The following ZFHX3 variants were observed in gnomAD, a reference collection of about 807,000 sequenced individuals.
The protein encoded by ZFHX3 is zinc finger homeobox protein 3.
ZFHX3 carries 42 observed loss-of-function variants against 279.1 expected under a neutral mutation model. The observed-to-expected ratio is 0.15, with a 90% CI of 0.12 to 0.19. ZFHX3 has a LOEUF of 0.19. ZFHX3 is among the 10% of genes least tolerant of loss of function. ZFHX3 has a pLI of 1.00. For missense variants in ZFHX3, 4,981 were observed against 4,754.0 expected (o/e 1.05, Z -1.40); for synonymous variants, 2,293 against 1,957.8 (o/e 1.17, Z -4.52).
chr16:73,816,538 C>T (rs1045379782), intron 1 of ZFHX3, among the ~76,000 whole-genome samples: 1 of 152,130 alleles, frequency 6.6e-6, no homozygotes, highest in East Asian at 1.9e-4. Context: ...GACTTTATGG[C>T]CCACAAAGCT....
chr16:73,572,415 CA>C (rs1334385428), intron 2 of ZFHX3, among the ~76,000 whole-genome samples: 2 of 152,218 alleles, frequency 1.3e-5, no homozygotes, highest in Non-Finnish European at 2.9e-5. Flanking sequence ...GCTTTCCACA[CA>C]CTTCTCAGAC....
At chr16:73,203,367 G>C (rs2011676797) in intron 5 of ZFHX3, among the ~76,000 whole-genome samples, 1 of 152,160 alleles carries the variant, frequency 6.6e-6, no homozygotes, top group Admixed American at 6.5e-5. Context: ...CAGTCCTCTT[G>C]TACTTTACAT....
intron 5 of ZFHX3, among the ~76,000 whole-genome samples, chr16:73,168,221 T>TTCTTTC (rs1967429003): frequency 2.4e-5 from 3 of 127,242 alleles, no homozygotes; most frequent in Non-Finnish European, 5.0e-5. Flanking sequence ...TTTTCTTTCT[T>TTCTTTC]TCTTTCTTTC....
At chr16:72,962,043 G>A (rs746536001) in intron 1 of ZFHX3, among the ~76,000 whole-genome samples, 1 of 152,204 alleles carries the variant, frequency 6.6e-6, no homozygotes, top group Non-Finnish European at 1.5e-5. Context: ...CTGATTGATA[G>A]CTTGGGCCAA....
intron 1 of ZFHX3, among the ~76,000 whole-genome samples, chr16:73,722,405 A>G (rs1246243585): frequency 6.6e-6 from 1 of 152,220 alleles, no homozygotes; most frequent in Non-Finnish European, 1.5e-5. Flanking sequence ...TTTTCCTAAA[A>G]TTAACCTTGA....
chr16:73,019,380 G>GTGTGT (rs1964221129), intron 1 of ZFHX3, among the ~76,000 whole-genome samples: 1 of 150,092 alleles, frequency 6.7e-6, no homozygotes, highest in Non-Finnish European at 1.5e-5. Context: ...GTGTGCGTGT[G>GTGTGT]CGTGTCTGCA....
At position 72,794,093 on chromosome 16, in the gene ZFHX3, A is replaced by C; in HGVS notation, c.8589T>G (p.Thr2863=). The part of the protein sequence containing the change: ...ADNDSATGIA[T]ETKSSSAPNE... ...TGGGTGCAGAAGAGGATTTGGTTTC[A>C]GTTGCTATTCCCGTTGCACTGTCGT... is the stretch of plus-strand genomic sequence containing the variant. Residue 2863 remains threonine (T), a synonymous_variant, in exon 9 of 10, where the codon ACT becomes ACG. Transcript: ENST00000268489. This position sits in a 1 kb window ranked among gnomAD's most constrained non-coding sequence, Gnocchi z 4.2. The C allele has an allele frequency of 6.2e-7, 1 of 1,614,196 alleles. No homozygotes were observed. The highest frequency in any genetic ancestry group is 8.5e-7 in the Non-Finnish European group (1 of 1,180,032).
intron 3 of ZFHX3, among the ~76,000 whole-genome samples, chr16:73,399,416 G>C (rs746526299): frequency 6.6e-6 from 1 of 152,082 alleles, no homozygotes; most frequent in African/African-American, 2.4e-5. Flanking sequence ...CTGGATATTC[G>C]AGACATCTCT....
At chr16:73,225,770 G>A (rs991673680) in intron 5 of ZFHX3, among the ~76,000 whole-genome samples, 3 of 152,172 alleles carry the variant, frequency 2.0e-5, no homozygotes, top group Middle Eastern at 6.8e-3. Flanking sequence ...CTGAATAGTG[G>A]CCCATATGAA....
At chr16:73,471,102 A>G (rs2018658367) in intron 2 of ZFHX3, among the ~76,000 whole-genome samples, 1 of 152,198 alleles carries the variant, frequency 6.6e-6, no homozygotes, top group Non-Finnish European at 1.5e-5. Context: ...GTCTAATGAC[A>G]TCTATTCAGG....
intron 1 of ZFHX3, among the ~76,000 whole-genome samples, chr16:73,740,099 G>A (rs1446429783): frequency 6.6e-6 from 1 of 152,134 alleles, no homozygotes; most frequent in Non-Finnish European, 1.5e-5. Flanking sequence ...CAGCCTGGAG[G>A]TAGCACTGTA....
At chr16:73,398,389 T>A (rs2017174734) in intron 3 of ZFHX3, among the ~76,000 whole-genome samples, 1 of 152,234 alleles carries the variant, frequency 6.6e-6, no homozygotes, top group Non-Finnish European at 1.5e-5. Context: ...CACATCAGCA[T>A]TTCTAGGGAA....
At chr16:73,058,983 C>T in exon 1 of ZFHX3, 2 of 165,540 alleles carry the variant, frequency 1.2e-5, no homozygotes, top group Non-Finnish European at 2.6e-5. Context: ...GCGGCTGCAG[C>T]GGTCGGAGGG....
intron 2 of ZFHX3, among the ~76,000 whole-genome samples, chr16:73,513,159 G>T (rs2019461774): frequency 6.6e-6 from 1 of 152,140 alleles, no homozygotes; most frequent in Non-Finnish European, 1.5e-5. Context: ...TGTTCTGATG[G>T]GTGAGACAGA....
intron 3 of ZFHX3, among the ~76,000 whole-genome samples, chr16:72,914,318 T>C (rs1349586522): frequency 6.6e-6 from 1 of 152,168 alleles, no homozygotes. Flanking sequence ...ACACATTAGC[T>C]TGGCTAAGGA....
At chr16:73,356,617 A>G (rs1410819328) in intron 3 of ZFHX3, among the ~76,000 whole-genome samples, 1 of 152,046 alleles carries the variant, frequency 6.6e-6, no homozygotes, top group Non-Finnish European at 1.5e-5. Context: ...TGGACAATAC[A>G]ATGGCAATGC....
chr16:73,389,129 TCC>T (rs978822154), intron 3 of ZFHX3: 2 of 152,178 alleles, frequency 1.3e-5, no homozygotes, highest in Non-Finnish European at 2.9e-5. Context: ...GCATAGCCTT[TCC>T]CCCTCGAGTC....
intron 1 of ZFHX3, among the ~76,000 whole-genome samples, chr16:73,839,569 C>T (rs773466769): frequency 6.6e-6 from 1 of 152,050 alleles, no homozygotes; most frequent in Non-Finnish European, 1.5e-5. Flanking sequence ...TACATGTGTA[C>T]AGCGGAACAG....
intron 5 of ZFHX3, among the ~76,000 whole-genome samples, chr16:73,216,624 T>C (rs191436824): frequency 6.6e-6 from 1 of 152,098 alleles, no homozygotes; most frequent in South Asian, 2.1e-4. Flanking sequence ...ATCATTTGAC[T>C]ACAAAAGACA....
Sources: allele counts gnomAD v4.1 joint callset (sites outside exome capture counted in the v4.1 genomes callset), GRCh38; gene constraint gnomAD v4.1.1; non-coding constraint Gnocchi (gnomAD v3.1); transcripts MANE v1.5; gene names NCBI Gene and HGNC (gene_info 2026-07-23, HGNC 2026-07-21).